Variants in PSIP1 observed in about 807,000 individuals in gnomAD.
PSIP1 encodes the protein PC4 and SRSF1 interacting protein 1, also known as PC4 and SFRS1-interacting protein.
In PSIP1, 19 loss-of-function variants were observed where a neutral mutation model predicts 74.7. The ratio of observed to expected loss-of-function variants is 0.25; its 90% CI spans 0.18 to 0.37. The LOEUF (loss-of-function observed/expected upper bound fraction) is 0.37, where lower values mean the gene tolerates loss of function less well. PSIP1 is among the 10% of genes least tolerant of loss of function. PSIP1 has a pLI of 1.00. For missense variants in PSIP1, 601 were observed against 614.3 expected, an observed-to-expected ratio of 0.98 and a Z score of 0.23; for synonymous variants, 222 against 195.3, an observed-to-expected ratio of 1.14 and a Z score of -1.14.
At chr9:15,466,605 G>T in intron 15 of PSIP1, 143 bp downstream of exon 15, 1 of 608,688 alleles carries the variant, frequency 1.6e-6, no homozygotes, top group Non-Finnish European at 2.7e-6. Flanking sequence ...CTTCCTTTTT[G>T]AATTGTAACT....
intron 3 of PSIP1, among the ~76,000 whole-genome samples, chr9:15,496,279 C>T (rs770276223): frequency 7.9e-5 from 12 of 152,312 alleles, no homozygotes; most frequent in Non-Finnish European, 1.5e-4. Context: ...TTTGTGCCTA[C>T]AGGAACTATG....
chr9:15,480,673 G>A (rs1317081785), intron 6 of PSIP1, among the ~76,000 whole-genome samples: 2 of 152,214 alleles, frequency 1.3e-5, no homozygotes, highest in Admixed American at 1.3e-4. Flanking sequence ...TGTAATCCCA[G>A]CATTTTGGGA....
At chr9:15,482,988 T>C (rs903364993) in intron 6 of PSIP1, among the ~76,000 whole-genome samples, 11 of 152,174 alleles carry the variant, frequency 7.2e-5, no homozygotes, top group African/African-American at 2.7e-4. Context: ...CCCCTTCCCT[T>C]GTTTAGCTTG....
Position 15,510,181 on chromosome 9 carries a change from C to A in PSIP1, c.8G>T (p.Arg3Leu). Residue 3 changes from arginine to leucine, a missense_variant, in exon 2 of 16, where the codon CGC (arginine) becomes CTC (leucine). Coordinates refer to ENST00000380733, the MANE Select transcript of PSIP1 (RefSeq NM_033222.5). MTRDFKPGDLIFA... is the reference protein window; with the variant it reads MTLDFKPGDLIFA... Reference sequence around the variant, plus strand: ...GATGAGGTCTCCAGGTTTGAAATCGCGAGTCATGTTTCGGGGGCGAGACCG... The same window carrying A: ...GATGAGGTCTCCAGGTTTGAAATCGAGAGTCATGTTTCGGGGGCGAGACCG... The A allele has an allele frequency of 1.2e-6, 2 of 1,604,354 alleles. No individual in the cohort carries two copies. The highest frequency in any genetic ancestry group is 1.7e-6 in the Non-Finnish European group (2 of 1,175,764).
intron 8 of PSIP1, among the ~76,000 whole-genome samples, chr9:15,475,010 C>A (rs1476376397): frequency 6.6e-6 from 1 of 152,132 alleles, no homozygotes; most frequent in Non-Finnish European, 1.5e-5. Context: ...TCAACCCCTT[C>A]CATTTGACAA....
intron 8 of PSIP1, among the ~76,000 whole-genome samples, chr9:15,474,673 A>C (rs2035998709): frequency 6.6e-6 from 1 of 152,162 alleles, no homozygotes; most frequent in Admixed American, 6.6e-5. Flanking sequence ...ATCACCACTG[A>C]ATTTCACAGA....
At chr9:15,497,557 C>A (rs775949402) in intron 3 of PSIP1, among the ~76,000 whole-genome samples, 6 of 151,942 alleles carry the variant, frequency 3.9e-5, no homozygotes, top group Non-Finnish European at 5.9e-5. Context: ...GAACTCCTGA[C>A]CTCGTGATCC....
At chr9:15,492,992 A>G (rs1412931368) in intron 3 of PSIP1, among the ~76,000 whole-genome samples, 3 of 152,250 alleles carry the variant, frequency 2.0e-5, no homozygotes, top group African/African-American at 7.2e-5. Flanking sequence ...TCGTCCTATG[A>G]TGAGAGGGGC....
chr9:15,500,791 C>T (rs1240734620), intron 3 of PSIP1, among the ~76,000 whole-genome samples: 1 of 152,124 alleles, frequency 6.6e-6, no homozygotes, highest in Non-Finnish European at 1.5e-5. Context: ...GAGGAAAAAA[C>T]AGCAAAATAT....
intron 6 of PSIP1, among the ~76,000 whole-genome samples, chr9:15,483,193 G>A (rs961943745): frequency 6.6e-6 from 1 of 151,948 alleles, no homozygotes; most frequent in Non-Finnish European, 1.5e-5. Context: ...CTCCCTCTTT[G>A]GTGCCAGAAC....
At chr9:15,492,472 G>GT (rs1434686205) in intron 3 of PSIP1, among the ~76,000 whole-genome samples, 1 of 152,212 alleles carries the variant, frequency 6.6e-6, no homozygotes, top group East Asian at 1.9e-4. Flanking sequence ...TGCCCCTATG[G>GT]TTTTGCATGG....
intron 11 of PSIP1, 70 bp from the exon 12 acceptor site, chr9:15,469,406 G>T: frequency 1.1e-6 from 1 of 938,500 alleles, no homozygotes; most frequent in Non-Finnish European, 1.6e-6. Flanking sequence ...TACAGGCTAA[G>T]TATAATGAAT....
chr9:15,507,089 C>T (rs535859421), intron 2 of PSIP1, among the ~76,000 whole-genome samples: 2 of 152,302 alleles, frequency 1.3e-5, no homozygotes, highest in South Asian at 4.1e-4. Flanking sequence ...AAATAACAGA[C>T]TAATGTAAAA....
chr9:15,477,255 A>C (rs2036129309), intron 8 of PSIP1, among the ~76,000 whole-genome samples: 2 of 152,180 alleles, frequency 1.3e-5, no homozygotes, highest in Admixed American at 6.5e-5. Flanking sequence ...TATGGTGTGC[A>C]ACACAATGTT....
rs1277266610 is a variant in PSIP1, at chr9:15,464,296, C to G, written c.*1224G>C. 1 of 194,498 alleles carries G rather than the reference C, an allele frequency of 5.1e-6. No individual in the cohort carries two copies. The highest frequency in any genetic ancestry group is 1.1e-5 in the Non-Finnish European group (1 of 93,598). The allele number at this position is 194,498 out of a possible 1,614,324, so 12.0% of individuals were successfully genotyped here. ...TCTCAGAGGGTCAACCACACAATGTCATACAGAGACGCTGGTCTTAAGCCA... is the reference window on the plus strand; with the variant it reads ...TCTCAGAGGGTCAACCACACAATGTGATACAGAGACGCTGGTCTTAAGCCA... On this transcript the variant is annotated 3_prime_UTR_variant, in exon 16 of 16. Transcript: ENST00000380733.
chr9:15,500,805 TA>T (rs1243629627), intron 3 of PSIP1, among the ~76,000 whole-genome samples: 1 of 152,200 alleles, frequency 6.6e-6, no homozygotes, highest in Admixed American at 6.5e-5. Flanking sequence ...AAAATATCTT[TA>T]TTTAAATTTC....
chr9:15,475,519 C>T lies in PSIP1; in HGVS notation c.630-1282G>A, dbSNP rs866009894. On this transcript the variant is annotated intron_variant, in intron 8 of 15. Transcript: ENST00000380733. Reference sequence around the variant, plus strand: ...AGCAAATCTGCTTCTAACAATGTATCCTAACCAATATATTTGCATTATGTA... The same window carrying T: ...AGCAAATCTGCTTCTAACAATGTATTCTAACCAATATATTTGCATTATGTA... Among the ~76,000 whole-genome samples, 148 of 152,220 alleles carry T rather than the reference C, an allele frequency of 9.7e-4. 1 individual carries two copies. The highest frequency in any genetic ancestry group is 3.5e-3 in the African/African-American group (144 of 41,538).
intron 7 of PSIP1, 71 bp from the exon 8 acceptor site, chr9:15,478,623 A>T (rs1218694623): frequency 9.8e-7 from 1 of 1,020,032 alleles, no homozygotes; most frequent in African/African-American, 1.6e-5. Flanking sequence ...AGATATAAAT[A>T]TTAGAAATGA....
In PSIP1 at chr9:15,479,566, G is replaced by T. The variant is rs533278173; in HGVS notation, c.553+25C>A. ...TGGAATATTAATCACAAGCCAAACA[G>T]ATATTTAAACATCAGTAATCCTACC... On this transcript the variant is annotated intron_variant, in intron 7 of 15. Transcript: ENST00000380733. 11 of 1,539,874 alleles carry T rather than the reference G, an allele frequency of 7.1e-6. No individual in the cohort carries two copies. In the South Asian group the frequency reaches 1.3e-4, roughly 18 times the overall value.
Sources: allele counts gnomAD v4.1 joint callset (sites outside exome capture counted in the v4.1 genomes callset), GRCh38; gene constraint gnomAD v4.1.1; transcripts MANE v1.5; gene names NCBI Gene and HGNC (gene_info 2026-07-23, HGNC 2026-07-21).